Variants in MCC observed in about 807,000 individuals in gnomAD.
The protein encoded by MCC is MCC regulator of Wnt signaling pathway.
MCC carries 90 observed loss-of-function variants against 116.2 expected under a neutral mutation model. The observed-to-expected ratio is 0.77, with a 90% CI of 0.65 to 0.92. The LOEUF is 0.92. Ranked by LOEUF, MCC falls within the 40% of genes least tolerant of loss-of-function variation. The pLI, the probability that MCC is intolerant of heterozygous loss-of-function variation, is 0.00. For synonymous variants in MCC, 578 were observed against 510.5 expected, an observed-to-expected ratio of 1.13 and a Z score of -1.78; for missense variants, 1,516 against 1,312.2, an observed-to-expected ratio of 1.16 and a Z score of -2.40.
At chr5:113,091,873 A>G (rs565921227) in intron 8 of MCC, among the ~76,000 whole-genome samples, 16 of 140,622 alleles carry the variant, frequency 1.1e-4, no homozygotes, top group African/African-American at 4.2e-4. Flanking sequence ...GGGTGATGCA[A>G]TGAGACTCAG....
chr5:113,359,837 C>T (rs920534524), intron 2 of MCC, among the ~76,000 whole-genome samples: 4 of 151,978 alleles, frequency 2.6e-5, no homozygotes, highest in East Asian at 1.9e-4. Context: ...GCCCCTGAAG[C>T]GGGCTGGGGA....
intron 2 of MCC, among the ~76,000 whole-genome samples, chr5:113,352,531 T>C (rs180981703): frequency 2.6e-3 from 400 of 152,276 alleles, no homozygotes; most frequent in Non-Finnish European, 3.0e-3. Context: ...CAAGAAATAC[T>C]AGAAATATTA....
At chr5:113,151,499 T>C (rs371164349) in intron 3 of MCC, 77 bp from the exon 4 acceptor site, 36 of 746,596 alleles carry the variant, frequency 4.8e-5, no homozygotes, top group Non-Finnish European at 7.9e-5. Context: ...GCAACTAGTA[T>C]AACCAAATAA....
chr5:113,181,610 C>T (rs905433682), intron 3 of MCC, among the ~76,000 whole-genome samples: 16 of 152,142 alleles, frequency 1.1e-4, no homozygotes, highest in Non-Finnish European at 2.4e-4. Flanking sequence ...CTCTGCTTCT[C>T]TGGGTTTGTT....
At chr5:113,182,559 G>A (rs1761683308) in intron 3 of MCC, among the ~76,000 whole-genome samples, 1 of 151,876 alleles carries the variant, frequency 6.6e-6, no homozygotes, top group Non-Finnish European at 1.5e-5. Context: ...TCGTACCACT[G>A]CACTCTAGCC....
At chr5:113,445,959 G>A (rs776838122) in intron 1 of MCC, among the ~76,000 whole-genome samples, 95 of 152,156 alleles carry the variant, frequency 6.2e-4, no homozygotes, top group African/African-American at 1.7e-3. Context: ...ATCAACAGTC[G>A]TCTAATTTTT....
rs183330925 is a variant in MCC, at chr5:113,036,212, A to G, written c.2757-7156T>C. 2.9e-3 allele frequency among the ~76,000 whole-genome samples: 442 copies of G among 151,588 alleles called. 2 individuals are homozygous for G. The highest frequency in any genetic ancestry group is 0.01 in the African/African-American group (420 of 41,322). On this transcript the variant is annotated intron_variant, in intron 17 of 18. Coordinates refer to ENST00000408903, the MANE Select transcript of MCC (RefSeq NM_001085377.2). ...GTCACCATGCCCAGCTCATTTTTGTATTTTTAGTAGGGACAGGGTTTCACC... is the reference window on the plus strand; with the variant it reads ...GTCACCATGCCCAGCTCATTTTTGTGTTTTTAGTAGGGACAGGGTTTCACC...
chr5:113,130,750 T>C (rs1758376557), intron 5 of MCC, among the ~76,000 whole-genome samples: 1 of 152,058 alleles, frequency 6.6e-6, no homozygotes. Flanking sequence ...CACAGCCGGC[T>C]CCCCTTCCCC....
chr5:113,234,194 T>G (rs1210953030), intron 3 of MCC, among the ~76,000 whole-genome samples: 2 of 152,166 alleles, frequency 1.3e-5, no homozygotes, highest in African/African-American at 4.8e-5. Context: ...ATAAAAGACA[T>G]TAAAATATAT....
At chr5:113,059,830 G>A (rs931014646) in intron 14 of MCC, among the ~76,000 whole-genome samples, 2 of 152,184 alleles carry the variant, frequency 1.3e-5, no homozygotes, top group African/African-American at 4.8e-5. Context: ...GGCTGGTTCG[G>A]GACGGTTCGG....
chr5:113,081,067 G>A (rs1387430951), intron 11 of MCC, among the ~76,000 whole-genome samples: 1 of 152,174 alleles, frequency 6.6e-6, no homozygotes, highest in Non-Finnish European at 1.5e-5. Flanking sequence ...TTGGTGGGTA[G>A]GGATGACCCC....
intron 1 of MCC, among the ~76,000 whole-genome samples, chr5:113,408,200 C>G (rs1456874921): frequency 1.3e-5 from 2 of 152,120 alleles, no homozygotes; most frequent in Non-Finnish European, 2.9e-5. Context: ...ACAAGTTGTA[C>G]CCCTTAGGTC....
intron 3 of MCC, among the ~76,000 whole-genome samples, chr5:113,246,435 G>T (rs1225002914): frequency 1.3e-5 from 2 of 152,250 alleles, no homozygotes; most frequent in African/African-American, 4.8e-5. Flanking sequence ...ACGTTACATT[G>T]TGAAACTTAA....
Position 113,022,800 on chromosome 5 carries a change from A to T in MCC, c.*4502T>A, listed in dbSNP as rs1426062487. On this transcript the variant is annotated 3_prime_UTR_variant, in exon 19 of 19. Transcript: ENST00000408903. Reference sequence around the variant, plus strand: ...ATTTCACCTGATTAGCAGATGGATGACTGTGGAAAGATGAAGTACTAGTCA... The same window carrying T: ...ATTTCACCTGATTAGCAGATGGATGTCTGTGGAAAGATGAAGTACTAGTCA... The T allele has an allele frequency of 2.6e-5, 4 of 152,238 alleles. No individual in the cohort carries two copies. Among genetic ancestry groups the T allele is most frequent in the Non-Finnish European group, 4.4e-5 (3 of 68,042 alleles). 9.4% of individuals were successfully genotyped at this position (152,238 alleles called of 1,614,324 possible). A position where few individuals can be genotyped will look rare whatever the true frequency, so the allele number is the denominator to read the frequency against.
intron 17 of MCC, among the ~76,000 whole-genome samples, chr5:113,042,852 T>C (rs559590215): frequency 1.3e-5 from 2 of 151,828 alleles, no homozygotes; most frequent in Non-Finnish European, 2.9e-5. Context: ...TTATGTTAAA[T>C]AAAATGTTAT....
intron 1 of MCC, among the ~76,000 whole-genome samples, chr5:113,421,904 T>C (rs1018373292): frequency 1.3e-5 from 2 of 152,212 alleles, no homozygotes; most frequent in African/African-American, 2.4e-5. Flanking sequence ...CCCAGTTCCC[T>C]GGGGTCCTTC....
intron 14 of MCC, among the ~76,000 whole-genome samples, chr5:113,059,601 G>A (rs1419778020): frequency 2.6e-5 from 4 of 152,236 alleles, no homozygotes; most frequent in South Asian, 4.1e-4. Flanking sequence ...CTCTGAGAGC[G>A]ACTGTGGGGG....
At chr5:113,086,364 A>G (rs532051738) in intron 8 of MCC, among the ~76,000 whole-genome samples, 1 of 152,246 alleles carries the variant, frequency 6.6e-6, no homozygotes, top group South Asian at 2.1e-4. Flanking sequence ...AAGTTATTCA[A>G]TATGTGTGTT....
intron 3 of MCC, among the ~76,000 whole-genome samples, chr5:113,333,882 C>CATATGTACATATATGTACATAT (rs1767804571): frequency 6.0e-5 from 1 of 16,794 alleles, no homozygotes. Context: ...TTCACATATA[C>CATATGTACATATATGTACATAT]ATGTATTTAT....
Sources: gnomAD v4.1 joint callset for allele counts (sites outside exome capture counted in the v4.1 genomes callset) on GRCh38, gnomAD v4.1.1 for gene constraint, MANE v1.5 for transcripts, NCBI Gene and HGNC (gene_info 2026-07-23, HGNC 2026-07-21) for gene names.